PINX1: variants seen among roughly 807,000 people sequenced by gnomAD.
PINX1 encodes the protein PIN2/TERF1-interacting telomerase inhibitor 1.
PINX1 carries 34 observed loss-of-function variants against 25.4 expected under a neutral mutation model. The observed-to-expected ratio is 1.34, with a 90% confidence interval of 1.02 to 1.78. The LOEUF is 1.78. Among genes scored for constraint, PINX1 ranks in the 40% most tolerant of loss-of-function variants. The probability of loss-of-function intolerance (pLI) is 0.00; values close to 1 mark genes in which losing one functional copy is unlikely to be tolerated. For synonymous variants in PINX1, 197 were observed against 147.7 expected (o/e 1.33, Z -2.42); for missense variants, 592 against 404.9 (o/e 1.46, Z -3.97).
chr8:10,835,166 G>A (rs1798363984), intron 1 of PINX1, among the ~76,000 whole-genome samples: 2 of 152,182 alleles, frequency 1.3e-5, no homozygotes, highest in Admixed American at 1.3e-4. Flanking sequence ...ATTGCCATGC[G>A]TTACTACATA....
At chr8:10,800,669 CA>C (rs910121682) in intron 6 of PINX1, among the ~76,000 whole-genome samples, 9 of 152,112 alleles carry the variant, frequency 5.9e-5, no homozygotes, top group African/African-American at 2.2e-4. Context: ...GGGGTTTCAC[CA>C]CATTGGCCAG....
chr8:10,767,827 G>A (rs372141864), intron 6 of PINX1, among the ~76,000 whole-genome samples: 1 of 82,188 alleles, frequency 1.2e-5, no homozygotes, highest in East Asian at 4.0e-4. Flanking sequence ...TCGGTGACCA[G>A]GCACCCTCAC....
intron 6 of PINX1, 25 bp from the exon 7 acceptor site, chr8:10,765,941 G>A: frequency 1.2e-6 from 2 of 1,606,582 alleles, no homozygotes; most frequent in East Asian, 2.2e-5. Flanking sequence ...AGAGTTAAAA[G>A]GCAGGTAAGC....
At chr8:10,811,188 G>A (rs544733434) in intron 6 of PINX1, among the ~76,000 whole-genome samples, 11 of 152,284 alleles carry the variant, frequency 7.2e-5, no homozygotes, top group African/African-American at 2.6e-4. Context: ...AGAAGCTGGG[G>A]CTCAGAGAGG....
chr8:10,767,511 T>G (rs780441453), intron 6 of PINX1, among the ~76,000 whole-genome samples: 1 of 152,188 alleles, frequency 6.6e-6, no homozygotes, highest in Non-Finnish European at 1.5e-5. Context: ...TATCTATTAC[T>G]ATTCAATTTG....
At chr8:10,766,622 C>T (rs1563198201) in intron 6 of PINX1, among the ~76,000 whole-genome samples, 1 of 152,162 alleles carries the variant, frequency 6.6e-6, no homozygotes, top group Admixed American at 6.5e-5. Flanking sequence ...AGAGAAATGC[C>T]CCCTCCTTCC....
intron 6 of PINX1, among the ~76,000 whole-genome samples, chr8:10,808,240 C>T (rs1180347756): frequency 6.6e-6 from 1 of 152,126 alleles, no homozygotes; most frequent in Non-Finnish European, 1.5e-5. Flanking sequence ...AACAGAAGTC[C>T]ACATTTTAAA....
In PINX1 at chr8:10,839,809, G is replaced by T. The variant is rs377136690; in HGVS notation, c.-53C>A. 6.4e-7 allele frequency: 1 copy of T among 1,566,580 alleles called. No homozygotes were observed. The highest frequency in any genetic ancestry group is 8.7e-7 in the Non-Finnish European group (1 of 1,150,226). Reference sequence around the variant, plus strand: ...CTGGACCTGGGTGACTGCGGCCACTGGGCGGGCTGGAGACTCCAGGAGAAT... The same window carrying T: ...CTGGACCTGGGTGACTGCGGCCACTTGGCGGGCTGGAGACTCCAGGAGAAT... On this transcript the variant is annotated 5_prime_UTR_variant, in exon 1 of 7. Transcript: ENST00000314787.
rs1798274077 is a variant in PINX1, at chr8:10,833,052, CA to C, written c.130-69del. On this transcript the variant is annotated intron_variant, in intron 2 of 6. Transcript: ENST00000314787. The stretch of plus-strand genomic sequence containing the variant: ...GATACTCAGAAGCAGAGCACTGCTA[CA>C]AAACTCACAGATGCCTACGGCAGGT... The C allele has an allele frequency of 1.1e-5, 10 of 950,944 alleles. No individual in the cohort carries two copies. In the East Asian group the frequency reaches 2.7e-4, roughly 25 times the overall value. 58.9% of individuals were successfully genotyped at this position (950,944 alleles called of 1,614,324 possible).
intron 6 of PINX1, among the ~76,000 whole-genome samples, chr8:10,804,658 G>A (rs1000307312): frequency 6.6e-6 from 1 of 151,890 alleles, no homozygotes; most frequent in Non-Finnish European, 1.5e-5. Context: ...GGGTCATAAT[G>A]ATTAGGAATG....
At chr8:10,815,138 C>T (rs1466728777) in intron 6 of PINX1, among the ~76,000 whole-genome samples, 2 of 152,142 alleles carry the variant, frequency 1.3e-5, no homozygotes, top group Non-Finnish European at 2.9e-5. Flanking sequence ...GACGATGTCT[C>T]ACTATGTTGC....
intron 6 of PINX1, among the ~76,000 whole-genome samples, chr8:10,790,648 G>A (rs573520205): frequency 6.6e-6 from 1 of 152,156 alleles, no homozygotes; most frequent in South Asian, 2.1e-4. Flanking sequence ...CCACCACTGA[G>A]CAGCTCAGGC....
chr8:10,785,235 G>C (rs1487881567), intron 6 of PINX1, among the ~76,000 whole-genome samples: 1 of 152,166 alleles, frequency 6.6e-6, no homozygotes, highest in Non-Finnish European at 1.5e-5. Flanking sequence ...TACACTTACA[G>C]CTATTAAGGA....
chr8:10,834,594 AGAAG>A, intron 2 of PINX1, 68 bp downstream of exon 2: 1 of 1,550,750 alleles, frequency 6.4e-7, no homozygotes, highest in Non-Finnish European at 8.7e-7. Context: ...CAGTCTCCTA[AGAAG>A]GAAGTTTTCC....
chr8:10,820,332 T>A, intron 5 of PINX1, 63 bp from the exon 6 acceptor site: 1 of 1,142,476 alleles, frequency 8.8e-7, no homozygotes, highest in Non-Finnish European at 1.3e-6. Flanking sequence ...AGCGCAGACA[T>A]GAACTATGCA....
chr8:10,782,208 C>A (rs183946702), intron 6 of PINX1, among the ~76,000 whole-genome samples: 148 of 152,142 alleles, frequency 9.7e-4, no homozygotes, highest in Non-Finnish European at 1.5e-3. Context: ...TCAAAGGATG[C>A]AAAGTAGCAG....
rs189889179 is a variant in PINX1, at chr8:10,812,576, T to C, written c.471+7617A>G. 1.1e-4 allele frequency among the ~76,000 whole-genome samples: 17 copies of C among 152,322 alleles called. No individual in the cohort carries two copies. The East Asian group carries it at 2.1e-3, about 19-fold the overall frequency. ...GATGAATTTCATCAGTCAGTGCTAG[T>C]TCTTCCTTTGTCCAAACTGTCACCC... On this transcript the variant is annotated intron_variant, in intron 6 of 6. Coordinates refer to ENST00000314787, the MANE Select transcript of PINX1 (RefSeq NM_017884.6).
chr8:10,795,040 T>C (rs189749384), intron 6 of PINX1, among the ~76,000 whole-genome samples: 2 of 152,300 alleles, frequency 1.3e-5, no homozygotes, highest in East Asian at 1.9e-4. Context: ...ACAAATATTA[T>C]ACTCATCTAG....
chr8:10,826,253 A>C lies in PINX1; in HGVS notation c.302-9T>G. On this transcript the variant is annotated splice_polypyrimidine_tract_variant and intron_variant, in intron 4 of 6. Transcript: ENST00000314787. ...CTTCTTGTCCGAGGAATCTTTAAAA[A>C]AGATGAAAAAAATACATTAAAGTCT... The C allele has an allele frequency of 6.9e-7, 1 of 1,449,440 alleles. No individual in the cohort carries two copies. Among genetic ancestry groups the C allele is most frequent in the Non-Finnish European group, 9.6e-7 (1 of 1,044,688 alleles). 89.8% of individuals were successfully genotyped at this position (1,449,440 alleles called of 1,614,324 possible).
Sources: allele counts gnomAD v4.1 joint callset (sites outside exome capture counted in the v4.1 genomes callset), GRCh38; gene constraint gnomAD v4.1.1; transcripts MANE v1.5; gene names NCBI Gene and HGNC (gene_info 2026-07-23, HGNC 2026-07-21).